The following WSCD2 variants were observed in gnomAD, a reference collection of about 807,000 sequenced individuals.
The protein encoded by WSCD2 is sialate:O-sulfotransferase 2.
A neutral mutation model predicts 55.7 loss-of-function variants in WSCD2; 28 were observed. The ratio of observed to expected loss-of-function variants is 0.50; its 90% CI spans 0.37 to 0.69. WSCD2 has a LOEUF of 0.69. Among genes scored for constraint, WSCD2 ranks in the 30% least tolerant of loss-of-function variants. WSCD2 has a pLI of 0.00. For synonymous variants in WSCD2, 301 were observed against 301.9 expected, an observed-to-expected ratio of 1.00 and a Z score of 0.03; for missense variants, 616 against 762.1, an observed-to-expected ratio of 0.81 and a Z score of 2.26.
chr12:108,140,910 C>T (rs1876731197), intron 1 of WSCD2, among the ~76,000 whole-genome samples: 1 of 152,248 alleles, frequency 6.6e-6, no homozygotes, highest in Admixed American at 6.5e-5. Flanking sequence ...CATCCTGATC[C>T]ATGACAGGTC....
At chr12:108,240,162 G>A (rs916611382) in intron 7 of WSCD2, among the ~76,000 whole-genome samples, 182 bp from the exon 8 acceptor site, 3 of 152,248 alleles carry the variant, frequency 2.0e-5, no homozygotes, top group African/African-American at 4.8e-5. Flanking sequence ...GAATGTTTTT[G>A]TAAGTCATTT....
intron 8 of WSCD2, among the ~76,000 whole-genome samples, chr12:108,242,167 A>G (rs926332221): frequency 1.3e-5 from 2 of 152,188 alleles, no homozygotes; most frequent in East Asian, 1.9e-4. Flanking sequence ...TAACTCAGCA[A>G]TTCACCCATA....
In WSCD2 at chr12:108,250,452, AC is replaced by A. The variant is rs1396584999; in HGVS notation, c.*2111del. On this transcript the variant is annotated 3_prime_UTR_variant, in exon 9 of 9. Transcript: ENST00000547525. ...CTGTATCCCACAAGTTGCCGGTATG[AC>A]CATCTTATTTGTAATGAGTCTGTGC... is the stretch of plus-strand genomic sequence containing the variant. 1 of 152,146 alleles carries A rather than the reference AC, an allele frequency of 6.6e-6. No individual in the cohort carries two copies. The highest frequency in any genetic ancestry group is 2.4e-5 in the African/African-American group (1 of 41,412). 9.4% of individuals were successfully genotyped at this position (152,146 alleles called of 1,614,324 possible).
Position 108,248,011 on chromosome 12 carries a change from A to T in WSCD2, c.1366A>T (p.Asn456Tyr). Residue 456 changes from asparagine (N) to tyrosine (Y), a missense_variant, in exon 9 of 9, where the codon AAC (asparagine) becomes TAC (tyrosine). Physicochemically the swap from Asn to Tyr is moderately radical, Grantham distance 143. Around this residue, in one of 3 missense-constraint regions of WSCD2, gnomAD observed 234 missense variants for 264.6 expected, o/e 0.88. Transcript: ENST00000547525. This position sits in a 1 kb window ranked among gnomAD's most constrained non-coding sequence, Gnocchi z 4.3. ...KGKEWPEFVR[N>Y]YAPWWATHTL... ...TGCAGAGTGGCCAGAGTTCGTGAGG[A>T]ACTATGCCCCGTGGTGGGCCACTCA... 6.2e-7 allele frequency: 1 copy of T among 1,613,524 alleles called. No homozygotes were observed. The highest frequency in any genetic ancestry group is 8.5e-7 in the Non-Finnish European group (1 of 1,179,474).
chr12:108,162,757 C>A (rs1879203071), intron 1 of WSCD2, among the ~76,000 whole-genome samples: 1 of 152,182 alleles, frequency 6.6e-6, no homozygotes, highest in African/African-American at 2.4e-5. Context: ...ATGACCTCTG[C>A]TCAGACCTGG....
intron 1 of WSCD2, among the ~76,000 whole-genome samples, chr12:108,192,844 TG>T (rs1188904926): frequency 6.6e-6 from 1 of 152,140 alleles, no homozygotes; most frequent in Non-Finnish European, 1.5e-5. Flanking sequence ...CTCACTTCCC[TG>T]GGCTCCCACA....
chr12:108,185,619 C>T lies in WSCD2; in HGVS notation c.-551-9663C>T, dbSNP rs114710752. The stretch of plus-strand genomic sequence containing the variant: ...CACACACAACCGAGGCAAAGGTTCA[C>T]AAGATAACATTTCTCCTTACTGTAT... On this transcript the variant is annotated intron_variant, in intron 1 of 8. Transcript: ENST00000547525. 5.2e-3 allele frequency among the ~76,000 whole-genome samples: 788 copies of T among 152,298 alleles called. 3 individuals are homozygous for T. The highest frequency in any genetic ancestry group is 0.018 in the African/African-American group (736 of 41,554).
At chr12:108,219,143 C>A (rs546284080) in intron 4 of WSCD2, among the ~76,000 whole-genome samples, 20 of 152,278 alleles carry the variant, frequency 1.3e-4, no homozygotes, top group African/African-American at 4.8e-4. Flanking sequence ...CCAGAGAGAG[C>A]CCGTGGGATT....
chr12:108,212,180 T>C (rs1289563354), intron 4 of WSCD2, among the ~76,000 whole-genome samples: 1 of 152,172 alleles, frequency 6.6e-6, no homozygotes, highest in Non-Finnish European at 1.5e-5. Flanking sequence ...AGTGGCTTTG[T>C]GGTTTGGCTG....
intron 4 of WSCD2, among the ~76,000 whole-genome samples, chr12:108,218,823 C>G (rs539464288): frequency 2.0e-5 from 3 of 152,300 alleles, no homozygotes; most frequent in South Asian, 4.1e-4. Flanking sequence ...CCAGCAGTGT[C>G]CCTGGCTGTG....
rs879357783 is a variant in WSCD2 at position 108,166,741 on chromosome 12, TTTCC to T, written c.-551-28537_-551-28534del. ...CTCCTTCTTTCTCTTTCTTTCTTTC[TTTCC>T]TTCTTTCTTTCTTTCTTTTCTTTCT... On this transcript the variant is annotated intron_variant, in intron 1 of 8. Coordinates refer to ENST00000547525, the MANE Select transcript of WSCD2 (RefSeq NM_014653.4). Among the ~76,000 whole-genome samples the T allele has an allele frequency of 4.4e-3, 249 of 56,524 alleles. 1 individual carries two copies. The highest frequency in any genetic ancestry group is 8.3e-3 in the Non-Finnish European group (179 of 21,648). 37.1% of individuals were successfully genotyped at this position (56,524 alleles called of 152,430 possible). A position where few individuals can be genotyped will look rare whatever the true frequency, so the allele number is the denominator to read the frequency against.
intron 6 of WSCD2, 45 bp downstream of exon 6, chr12:108,227,209 G>A: frequency 1.3e-6 from 2 of 1,582,076 alleles, no homozygotes; most frequent in Non-Finnish European, 1.7e-6. Context: ...CACTCCCAGT[G>A]GCTTCCCTCC....
At chr12:108,216,018 T>C (rs1886790977) in intron 4 of WSCD2, among the ~76,000 whole-genome samples, 1 of 152,182 alleles carries the variant, frequency 6.6e-6, no homozygotes, top group Admixed American at 6.5e-5. Context: ...GCTTTTGCAA[T>C]CCTTGGACTC....
intron 1 of WSCD2, among the ~76,000 whole-genome samples, chr12:108,174,755 C>T (rs778141039): frequency 1.3e-5 from 2 of 152,228 alleles, no homozygotes; most frequent in Non-Finnish European, 2.9e-5. Flanking sequence ...GCTAGGACTA[C>T]AGGTGCATGC....
chr12:108,131,130 C>G (rs1303943282), intron 1 of WSCD2, among the ~76,000 whole-genome samples: 1 of 152,136 alleles, frequency 6.6e-6, no homozygotes, highest in Admixed American at 6.5e-5. Context: ...TGCCAAAACC[C>G]AAGAATTCCT....
At chr12:108,184,534 G>A (rs906564625) in intron 1 of WSCD2, among the ~76,000 whole-genome samples, 1 of 152,186 alleles carries the variant, frequency 6.6e-6, no homozygotes, top group African/African-American at 2.4e-5. Context: ...GGGAGCAATG[G>A]GGGCTGCCAG....
intron 4 of WSCD2, among the ~76,000 whole-genome samples, chr12:108,217,603 T>C (rs1886995205): frequency 6.6e-6 from 1 of 152,170 alleles, no homozygotes; most frequent in Admixed American, 6.5e-5. Flanking sequence ...TCTCCAACCT[T>C]TCCACCGGAC....
chr12:108,149,338 G>T (rs1390292568), intron 1 of WSCD2, among the ~76,000 whole-genome samples: 1 of 152,192 alleles, frequency 6.6e-6, no homozygotes, highest in East Asian at 1.9e-4. Flanking sequence ...TTAATTAAAT[G>T]CTGGAATGGA....
rs145351804 is a variant in WSCD2, at chr12:108,215,184, T to C, written c.682+4879T>C. 3.3e-5 allele frequency among the ~76,000 whole-genome samples: 5 copies of C among 152,350 alleles called. No individual in the cohort carries two copies. The East Asian group carries it at 7.7e-4, about 23-fold the overall frequency. On this transcript the variant is annotated intron_variant, in intron 4 of 8. Transcript: ENST00000547525. Reference sequence around the variant, plus strand: ...AAATATTTCTTCTTCTGCATCATGATGGGAGAGAATTGGTTTGCTCTTCTC... The same window carrying C: ...AAATATTTCTTCTTCTGCATCATGACGGGAGAGAATTGGTTTGCTCTTCTC...
Sources: gnomAD v4.1 joint callset for allele counts (sites outside exome capture counted in the v4.1 genomes callset) on GRCh38, gnomAD v4.1.1 for gene constraint, gnomAD v4.1.1 regional missense constraint, Gnocchi (gnomAD v3.1) non-coding constraint, MANE v1.5 for transcripts, NCBI Gene and HGNC (gene_info 2026-07-23, HGNC 2026-07-21) for gene names.